IRAK3: variants seen among roughly 807,000 people sequenced by gnomAD.
The protein encoded by IRAK3 is interleukin-1 receptor-associated kinase 3.
Under a neutral mutation model 56.6 loss-of-function variants are expected in IRAK3, and 57 were observed. The observed-to-expected ratio is 1.01, with a 90% CI of 0.81 to 1.26. The LOEUF is 1.26. IRAK3 is among the 50% of genes most tolerant of loss of function. IRAK3 has a pLI of 0.00. For synonymous variants in IRAK3, 258 were observed against 255.7 expected (o/e 1.01, Z -0.09); for missense variants, 703 against 719.0 (o/e 0.98, Z 0.25).
intron 5 of IRAK3, among the ~76,000 whole-genome samples, chr12:66,215,786 G>GCACACA (rs71096080): frequency 0.025 from 3,017 of 122,714 alleles, 77 homozygotes; most frequent in East Asian, 0.11. Flanking sequence ...AACCCAACAT[G>GCACACA]CACACACACA....
intron 5 of IRAK3, among the ~76,000 whole-genome samples, chr12:66,214,980 T>TGGGCC (rs2052654250): frequency 6.6e-6 from 1 of 152,250 alleles, no homozygotes; most frequent in African/African-American, 2.4e-5. Flanking sequence ...CAGCTTGCAT[T>TGGGCC]ACCGTACCGT....
At position 66,245,250 on chromosome 12, in the gene IRAK3, A is replaced by G; in HGVS notation, c.1302A>G (p.Pro434=). ...RCAATRAKLR[P]SMDEVLNTLE... is the part of the protein sequence containing the mutation. ...CTGCAACGCGGGCAAAGTTAAGACC[A>G]TCAATGGATGAAGTGAGTATATACA... is the stretch of plus-strand genomic sequence containing the variant. The change falls in exon 11 of 12, where the codon CCA becomes CCG. Residue 434 remains proline, a synonymous_variant. Coordinates refer to ENST00000261233, the MANE Select transcript of IRAK3 (RefSeq NM_007199.3). 6 of 1,614,194 alleles carry G rather than the reference A, an allele frequency of 3.7e-6. No individual in the cohort carries two copies. Among genetic ancestry groups the G allele is most frequent in the Non-Finnish European group, 5.1e-6 (6 of 1,180,032 alleles).
chr12:66,194,983 A>C (rs2136912292), intron 1 of IRAK3, among the ~76,000 whole-genome samples: 1 of 152,082 alleles, frequency 6.6e-6, no homozygotes, highest in Admixed American at 6.6e-5. Context: ...ACTACTCCCA[A>C]ATTTCTAGCC....
At position 66,247,437 on chromosome 12, in the gene IRAK3, T is replaced by C. The variant is rs185988119; in HGVS notation, c.1315-258T>C. Reference sequence around the variant, plus strand: ...TGCCCAAGTTCACAAAGCTAGTTGGTGGCAAATCTGAGGCTTAAGTCAGGT... The same window carrying C: ...TGCCCAAGTTCACAAAGCTAGTTGGCGGCAAATCTGAGGCTTAAGTCAGGT... On this transcript the variant is annotated intron_variant, in intron 11 of 11. Transcript: ENST00000261233. Among the ~76,000 whole-genome samples the C allele has an allele frequency of 5.3e-3, 806 of 152,332 alleles. 8 individuals carry two copies. The highest frequency in any genetic ancestry group is 0.017 in the Middle Eastern group (5 of 294).
intron 1 of IRAK3, among the ~76,000 whole-genome samples, chr12:66,191,760 T>G (rs966886749): frequency 6.6e-6 from 1 of 152,110 alleles, no homozygotes; most frequent in African/African-American, 2.4e-5. Context: ...AAACTTGACC[T>G]TCGAGAGGGG....
rs1592606579 is a variant in IRAK3 at position 66,247,765 on chromosome 12, C to T, written c.1385C>T (p.Ser462Phe). The T allele has an allele frequency of 6.2e-7, 1 of 1,614,160 alleles. No homozygotes were observed. The highest frequency in any genetic ancestry group is 1.3e-5 in the African/African-American group (1 of 75,050). ...FAEDPPTSLK[S>F]FRCPSPLFLE... ...GAAGATCCTCCCACATCACTAAAGT[C>T]CTTCAGGTGTCCTTCTCCTCTATTC... The change falls in exon 12 of 12, where the codon TCC becomes TTC. Residue 462 changes from serine to phenylalanine, a missense_variant. Transcript: ENST00000261233.
At chr12:66,205,382 T>C (rs1403231835) in intron 2 of IRAK3, among the ~76,000 whole-genome samples, 1 of 152,222 alleles carries the variant, frequency 6.6e-6, no homozygotes, top group African/African-American at 2.4e-5. Context: ...TACAAAGAGA[T>C]AGGTAAATCT....
At position 66,248,087 on chromosome 12, in the gene IRAK3, G is replaced by T. The variant is rs369541548; in HGVS notation, c.1707G>T (p.Gly569=). ...VNIDPSSEAP[G]HSCRSRPVES... ...TAGATCCTTCTTCAGAAGCTCCAGG[G>T]CATTCTTGCAGGAGCAGGCCAGTGG... Residue 569 remains glycine (G), a synonymous_variant, in exon 12 of 12, where the codon GGG becomes GGT. Coordinates refer to ENST00000261233, the MANE Select transcript of IRAK3 (RefSeq NM_007199.3). The T allele has an allele frequency of 1.9e-6, 3 of 1,600,710 alleles. No individual in the cohort carries two copies. The African/African-American group carries it at 4.0e-5, about 22-fold the overall frequency.
intron 1 of IRAK3, among the ~76,000 whole-genome samples, chr12:66,201,284 C>G (rs946835177): frequency 2.6e-5 from 4 of 152,168 alleles, no homozygotes; most frequent in African/African-American, 9.7e-5. Flanking sequence ...AGGGCAGCTT[C>G]CACATATTGG....
chr12:66,230,129 C>T (rs1340950168), intron 8 of IRAK3, among the ~76,000 whole-genome samples: 1 of 152,136 alleles, frequency 6.6e-6, no homozygotes, highest in Non-Finnish European at 1.5e-5. Flanking sequence ...GCCCATGTCC[C>T]GTTCTTTTTC....
intron 6 of IRAK3, 66 bp downstream of exon 6, chr12:66,217,301 T>C (rs2052686984): frequency 8.6e-7 from 1 of 1,167,098 alleles, no homozygotes; most frequent in Admixed American, 1.7e-5. Context: ...TCATTTTTTA[T>C]TTTACAGCAC....
At chr12:66,220,908 T>C (rs767770381) in intron 6 of IRAK3, among the ~76,000 whole-genome samples, 44 of 152,226 alleles carry the variant, frequency 2.9e-4, no homozygotes, top group Admixed American at 3.9e-4. Flanking sequence ...TTGTGAAAAA[T>C]GGCATTGGAA....
intron 8 of IRAK3, chr12:66,234,167 G>C (rs550668800): frequency 6.2e-7 from 1 of 1,614,158 alleles, no homozygotes; most frequent in Admixed American, 1.7e-5. Context: ...AGGAGCCGCT[G>C]TCGTCTGCAT....
At chr12:66,209,435 C>T in intron 2 of IRAK3, 21 bp from the exon 3 acceptor site, 2 of 1,554,382 alleles carry the variant, frequency 1.3e-6, no homozygotes, top group South Asian at 1.1e-5. Flanking sequence ...TTGTATCTAC[C>T]TTCCCATATT....
At chr12:66,217,315 G>A in intron 6 of IRAK3, 80 bp downstream of exon 6, 7 of 1,036,538 alleles carry the variant, frequency 6.8e-6, no homozygotes, top group Non-Finnish European at 1.1e-5. Flanking sequence ...ACAGCACAGA[G>A]CTTGGCGTGA....
At chr12:66,239,294 A>G (rs892518024) in intron 8 of IRAK3, among the ~76,000 whole-genome samples, 2 of 92,876 alleles carry the variant, frequency 2.2e-5, no homozygotes, top group African/African-American at 6.8e-5. Flanking sequence ...TTGCTTCAAA[A>G]TGGACTTTTT....
intron 1 of IRAK3, chr12:66,196,856 A>G (rs1352296735): frequency 6.8e-7 from 1 of 1,471,736 alleles, no homozygotes; most frequent in East Asian, 2.6e-5. Context: ...AAAGAAAGAG[A>G]CATCTTTCCT....
At chr12:66,233,659 GA>G (rs369258623) in intron 8 of IRAK3, among the ~76,000 whole-genome samples, 24 of 147,116 alleles carry the variant, frequency 1.6e-4, no homozygotes, top group East Asian at 1.4e-3. Context: ...CATACAGCTG[GA>G]AAAAAAAAAC....
rs11835516 is a variant in IRAK3 at position 66,195,584 on chromosome 12, C to T, written c.133+6152C>T. Among the ~76,000 whole-genome samples, 985 of 152,312 alleles carry T rather than the reference C, an allele frequency of 6.5e-3. 17 individuals carry two copies. The highest frequency in any genetic ancestry group is 0.023 in the African/African-American group (936 of 41,558). On this transcript the variant is annotated intron_variant, in intron 1 of 11. Coordinates refer to ENST00000261233, the MANE Select transcript of IRAK3 (RefSeq NM_007199.3). The stretch of plus-strand genomic sequence containing the variant: ...GAACACGCAAGGAACGTTCTTCCTG[C>T]CAGTAACCTGTAGGCTTGCTTCTTC...
Sources: allele counts gnomAD v4.1 joint callset (sites outside exome capture counted in the v4.1 genomes callset), GRCh38; gene constraint gnomAD v4.1.1; transcripts MANE v1.5; gene names NCBI Gene and HGNC (gene_info 2026-07-23, HGNC 2026-07-21).